GNA14: variants seen among roughly 807,000 people sequenced by gnomAD.
The protein encoded by GNA14 is G protein subunit alpha 14.
Under a neutral mutation model 42.0 loss-of-function variants are expected in GNA14, and 50 were observed. The ratio of observed to expected loss-of-function variants is 1.19; its 90% CI spans 0.95 to 1.51. The LOEUF (loss-of-function observed/expected upper bound fraction) is 1.51, where lower values mean the gene tolerates loss of function less well. GNA14 is among the 40% of genes most tolerant of loss of function. The pLI, the probability that GNA14 is intolerant of heterozygous loss-of-function variation, is 0.00. For synonymous variants in GNA14, 173 were observed against 163.1 expected, an observed-to-expected ratio of 1.06 and a Z score of -0.46; for missense variants, 473 against 446.2, an observed-to-expected ratio of 1.06 and a Z score of -0.54.
At chr9:77,497,133 C>G (rs536263170) in intron 2 of GNA14, among the ~76,000 whole-genome samples, 1 of 135,190 alleles carries the variant, frequency 7.4e-6, no homozygotes, top group Non-Finnish European at 1.7e-5. Flanking sequence ...CTTTCCATAC[C>G]TTAGAAGAAT....
chr9:77,619,682 A>C (rs1452733091), intron 1 of GNA14, among the ~76,000 whole-genome samples: 1 of 152,226 alleles, frequency 6.6e-6, no homozygotes, highest in African/African-American at 2.4e-5. Flanking sequence ...CAAGGATGAA[A>C]TGAACTGATA....
At chr9:77,455,614 T>G (rs2131707400) in intron 2 of GNA14, among the ~76,000 whole-genome samples, 1 of 152,330 alleles carries the variant, frequency 6.6e-6, no homozygotes, top group Middle Eastern at 3.4e-3. Flanking sequence ...TTAAAGTGTC[T>G]ACGATACCTC....
intron 2 of GNA14, among the ~76,000 whole-genome samples, chr9:77,525,909 T>TAA (rs202169762): frequency 7.1e-6 from 1 of 141,452 alleles, no homozygotes. Flanking sequence ...GGACTTTTTT[T>TAA]AAAAAAAAAA....
intron 2 of GNA14, among the ~76,000 whole-genome samples, chr9:77,520,435 T>G (rs1013554896): frequency 2.6e-5 from 4 of 152,320 alleles, no homozygotes; most frequent in African/African-American, 9.6e-5. Context: ...TCTGAAGGAC[T>G]TCGGATCTAA....
chr9:77,484,021 A>C (rs906834499), intron 2 of GNA14, among the ~76,000 whole-genome samples: 1 of 152,252 alleles, frequency 6.6e-6, no homozygotes, highest in African/African-American at 2.4e-5. Context: ...CATTTAAGAC[A>C]TTCAAGAATA....
chr9:77,446,334 G>T (rs1835817477), intron 2 of GNA14, among the ~76,000 whole-genome samples: 1 of 152,198 alleles, frequency 6.6e-6, no homozygotes, highest in African/African-American at 2.4e-5. Flanking sequence ...TTTAAGAACA[G>T]GTTGGTTTCA....
intron 2 of GNA14, among the ~76,000 whole-genome samples, chr9:77,457,276 T>A (rs897337199): frequency 6.6e-6 from 1 of 152,220 alleles, no homozygotes; most frequent in Admixed American, 6.5e-5. Flanking sequence ...GGAAGGCGCA[T>A]CTTTGCTGCA....
chr9:77,481,671 T>C (rs892552653), intron 2 of GNA14, among the ~76,000 whole-genome samples: 2 of 152,156 alleles, frequency 1.3e-5, no homozygotes, highest in Non-Finnish European at 2.9e-5. Context: ...CCATTATTAT[T>C]GTGTGGAAGT....
chr9:77,645,527 A>G (rs1169455424), intron 1 of GNA14, among the ~76,000 whole-genome samples: 2 of 152,120 alleles, frequency 1.3e-5, no homozygotes, highest in Non-Finnish European at 2.9e-5. Context: ...GCTAGTCACA[A>G]CTCCGCAAGA....
chr9:77,444,835 G>A (rs1222659711), intron 2 of GNA14, among the ~76,000 whole-genome samples: 2 of 152,180 alleles, frequency 1.3e-5, no homozygotes, highest in African/African-American at 4.8e-5. Flanking sequence ...TTAGGGTTCA[G>A]TTGGGGTGCC....
chr9:77,432,764 A>G (rs1421979022), intron 3 of GNA14, among the ~76,000 whole-genome samples: 1 of 152,090 alleles, frequency 6.6e-6, no homozygotes, highest in Non-Finnish European at 1.5e-5. Flanking sequence ...TGAATTCTGT[A>G]GCAGGTCTGG....
At chr9:77,425,146 A>G (rs1835434366) in intron 6 of GNA14, among the ~76,000 whole-genome samples, 1 of 152,130 alleles carries the variant, frequency 6.6e-6, no homozygotes, top group African/African-American at 2.4e-5. Context: ...GACTGGGAAG[A>G]GAGCTGAGTG....
intron 2 of GNA14, among the ~76,000 whole-genome samples, chr9:77,488,435 C>G (rs1174928819): frequency 6.6e-6 from 1 of 152,174 alleles, no homozygotes. Context: ...TCACTGAGGA[C>G]AGCCAGAAAC....
intron 1 of GNA14, among the ~76,000 whole-genome samples, chr9:77,550,090 G>A (rs376202620): frequency 4.6e-5 from 7 of 152,216 alleles, no homozygotes; most frequent in African/African-American, 4.8e-5. Context: ...TGCACTGTGG[G>A]TGGGAGGGGG....
chr9:77,464,072 G>A (rs1023196174), intron 2 of GNA14, among the ~76,000 whole-genome samples: 40 of 151,982 alleles, frequency 2.6e-4, no homozygotes, highest in African/African-American at 8.5e-4. Flanking sequence ...GTAATCTCAG[G>A]TCACTGCAAC....
chr9:77,446,053 G>C (rs1424190695), intron 2 of GNA14, among the ~76,000 whole-genome samples: 1 of 152,206 alleles, frequency 6.6e-6, no homozygotes. Context: ...GGCCCTGCTG[G>C]GGAAAAGGCG....
intron 2 of GNA14, among the ~76,000 whole-genome samples, chr9:77,470,038 G>A (rs536220920): frequency 6.6e-6 from 1 of 152,302 alleles, no homozygotes; most frequent in East Asian, 1.9e-4. Context: ...GGGAAAAGGA[G>A]GAGTACAGAA....
intron 1 of GNA14, among the ~76,000 whole-genome samples, chr9:77,584,060 A>T (rs1411164797): frequency 1.3e-5 from 2 of 152,192 alleles, no homozygotes; most frequent in African/African-American, 4.8e-5. Flanking sequence ...AATGTGTGAA[A>T]AGGAATACTG....
At chr9:77,460,575 G>C (rs1836086575) in intron 2 of GNA14, among the ~76,000 whole-genome samples, 1 of 152,210 alleles carries the variant, frequency 6.6e-6, no homozygotes, top group Non-Finnish European at 1.5e-5. Flanking sequence ...CTGAGCCTTG[G>C]CTGGGAGGGC....
Sources: gnomAD v4.1 joint callset for allele counts (sites outside exome capture counted in the v4.1 genomes callset) on GRCh38, gnomAD v4.1.1 for gene constraint, MANE v1.5 for transcripts, NCBI Gene and HGNC (gene_info 2026-07-23, HGNC 2026-07-21) for gene names.